The following SPAG16 variants were observed in gnomAD, a reference collection of about 807,000 sequenced individuals.
SPAG16 encodes the protein sperm associated antigen 16.
In SPAG16, 86 loss-of-function variants were observed where a neutral mutation model predicts 80.4. The ratio of observed to expected loss-of-function variants is 1.07; its 90% CI spans 0.90 to 1.28. The LOEUF is 1.28. SPAG16 is among the 50% of genes most tolerant of loss of function. The probability of loss-of-function intolerance (pLI) is 0.00; values close to 1 mark genes in which losing one functional copy is unlikely to be tolerated. For synonymous variants in SPAG16, 294 were observed against 265.9 expected (o/e 1.11, Z -1.03); for missense variants, 870 against 765.3 (o/e 1.14, Z -1.61).
chr2:213,684,345 A>T (rs975658883), intron 10 of SPAG16, among the ~76,000 whole-genome samples: 3 of 152,350 alleles, frequency 2.0e-5, no homozygotes, highest in African/African-American at 4.8e-5. Context: ...TGCAAAGGAA[A>T]GTGGAAGGTT....
At chr2:213,947,527 T>C (rs1303116463) in intron 12 of SPAG16, among the ~76,000 whole-genome samples, 2 of 152,146 alleles carry the variant, frequency 1.3e-5, no homozygotes, top group African/African-American at 4.8e-5. Context: ...TATTTTCTGG[T>C]TGAGTTGTTT....
chr2:213,843,833 A>G (rs1156977786), intron 10 of SPAG16, among the ~76,000 whole-genome samples: 1 of 152,204 alleles, frequency 6.6e-6, no homozygotes, highest in Non-Finnish European at 1.5e-5. Context: ...CCTGGGCGAC[A>G]GAGTGAGACT....
rs527510290 is a variant in SPAG16, at chr2:213,431,403, T to TA, written c.942+56294dup. 2.8e-3 allele frequency among the ~76,000 whole-genome samples: 405 copies of TA among 145,650 alleles called. 1 individual carries two copies. Among genetic ancestry groups the TA allele is most frequent in the South Asian group, 7.4e-3 (34 of 4,606 alleles). The stretch of plus-strand genomic sequence containing the variant: ...AAACCAACTACATGCTGCTTACTGG[T>TA]AAAAAAAAAAGATATTCCATGCAAA... On this transcript the variant is annotated intron_variant, in intron 9 of 15. Coordinates refer to ENST00000331683, the MANE Select transcript of SPAG16 (RefSeq NM_024532.5).
chr2:213,979,398 G>T (rs1303335657), intron 12 of SPAG16, among the ~76,000 whole-genome samples: 2 of 151,960 alleles, frequency 1.3e-5, no homozygotes, highest in Non-Finnish European at 2.9e-5. Flanking sequence ...CTGCTATAAA[G>T]AACTGCCCGT....
At chr2:214,149,112 T>TATATATAAA in intron 14 of SPAG16, 28 bp from the exon 15 acceptor site, 1 of 1,301,710 alleles carries the variant, frequency 7.7e-7, no homozygotes, top group East Asian at 3.5e-5. Context: ...CATACACATT[T>TATATATAAA]TATTTTTGTT....
chr2:214,137,206 G>C (rs557184492), intron 14 of SPAG16, among the ~76,000 whole-genome samples: 1 of 151,946 alleles, frequency 6.6e-6, no homozygotes, highest in Non-Finnish European at 1.5e-5. Context: ...AACCATTTCT[G>C]ATTTATTTTC....
chr2:213,782,700 G>T (rs1403039925), intron 10 of SPAG16, among the ~76,000 whole-genome samples: 2 of 152,140 alleles, frequency 1.3e-5, no homozygotes, highest in African/African-American at 2.4e-5. Flanking sequence ...CTGAAGGCCA[G>T]GGAATTCACT....
chr2:213,774,183 G>A (rs1309519576), intron 10 of SPAG16, among the ~76,000 whole-genome samples: 6 of 152,096 alleles, frequency 3.9e-5, no homozygotes, highest in African/African-American at 1.4e-4. Flanking sequence ...TTGGTTATGT[G>A]TCAGTTTCTT....
chr2:213,576,672 A>T (rs1232134287), intron 10 of SPAG16, among the ~76,000 whole-genome samples: 1 of 152,184 alleles, frequency 6.6e-6, no homozygotes, highest in Non-Finnish European at 1.5e-5. Context: ...TGTCCTTTGC[A>T]GGAAGATGGA....
chr2:213,994,568 T>G (rs1473411778), intron 12 of SPAG16, among the ~76,000 whole-genome samples: 1 of 135,566 alleles, frequency 7.4e-6, no homozygotes, highest in Non-Finnish European at 1.5e-5. Flanking sequence ...GAGAAAATGA[T>G]TTTCCATCCT....
In SPAG16 at chr2:213,754,726, T is replaced by C. The variant is rs536283732; in HGVS notation, c.1071-107759T>C. 7.5e-5 allele frequency among the ~76,000 whole-genome samples: 10 copies of C among 133,098 alleles called. No homozygotes were observed. The South Asian group carries it at 2.3e-3, about 30-fold the overall frequency. The allele number at this position is 133,098 out of a possible 152,430, so 87.3% of individuals were successfully genotyped here. ...TATCACAGCCCAATGACTAGTTTCT[T>C]CTCATTCACCTGATGAATGCAAGAA... On this transcript the variant is annotated intron_variant, in intron 10 of 15. Coordinates refer to ENST00000331683, the MANE Select transcript of SPAG16 (RefSeq NM_024532.5).
chr2:213,930,128 A>G lies in SPAG16; in HGVS notation c.1383A>G (p.Lys461=), dbSNP rs2078683103. 1.6e-5 allele frequency: 26 copies of G among 1,613,358 alleles called. No individual in the cohort carries two copies. Among genetic ancestry groups the G allele is most frequent in the Non-Finnish European group, 2.1e-5 (25 of 1,179,686 alleles). ...CCTCCTCACTGGATAAAACTAGCAA[A>G]ATTTGGGATGTTAATAGGTAAGAAG... is the stretch of plus-strand genomic sequence containing the variant. ...VASSSLDKTS[K]IWDVNSERCR... is the part of the protein sequence containing the mutation. The change falls in exon 12 of 16, where the codon AAA becomes AAG. Residue 461 remains lysine (K), a synonymous_variant. Transcript: ENST00000331683.
At chr2:213,433,236 G>A (rs1165627138) in intron 9 of SPAG16, among the ~76,000 whole-genome samples, 1 of 151,838 alleles carries the variant, frequency 6.6e-6, no homozygotes, top group Non-Finnish European at 1.5e-5. Flanking sequence ...ATTCAACTTA[G>A]AATGGAAGTC....
intron 14 of SPAG16, among the ~76,000 whole-genome samples, chr2:214,116,390 T>A (rs2053935663): frequency 6.6e-6 from 1 of 152,196 alleles, no homozygotes; most frequent in Non-Finnish European, 1.5e-5. Context: ...CTAACCTCCA[T>A]TTCACAGCAG....
chr2:213,378,186 AT>A (rs1291283446), intron 9 of SPAG16, among the ~76,000 whole-genome samples: 1 of 152,088 alleles, frequency 6.6e-6, no homozygotes, highest in Non-Finnish European at 1.5e-5. Flanking sequence ...AGCTGATTAG[AT>A]GTTGCCCACC....
intron 15 of SPAG16, among the ~76,000 whole-genome samples, chr2:214,404,830 A>T (rs1701906700): frequency 6.6e-6 from 1 of 152,110 alleles, no homozygotes; most frequent in Non-Finnish European, 1.5e-5. Flanking sequence ...ATTTGGCTGG[A>T]GATATGGGAA....
intron 12 of SPAG16, among the ~76,000 whole-genome samples, chr2:213,973,328 C>G (rs2045184019): frequency 6.6e-6 from 1 of 152,016 alleles, no homozygotes; most frequent in Admixed American, 6.6e-5. Flanking sequence ...CCTCAGTTGG[C>G]TGCAGGTTCT....
intron 9 of SPAG16, among the ~76,000 whole-genome samples, chr2:213,455,836 C>T (rs1007218650): frequency 5.2e-4 from 79 of 152,152 alleles, no homozygotes; most frequent in Middle Eastern, 3.2e-3. Context: ...GGAGGGTTGG[C>T]GACCCCTGCT....
intron 14 of SPAG16, among the ~76,000 whole-genome samples, chr2:214,144,998 G>C (rs376177561): frequency 1.3e-5 from 2 of 151,882 alleles, no homozygotes; most frequent in African/African-American, 4.8e-5. Flanking sequence ...CACTAGCCCC[G>C]TAATCCTAAA....
Sources: gnomAD v4.1 joint callset for allele counts (sites outside exome capture counted in the v4.1 genomes callset) on GRCh38, gnomAD v4.1.1 for gene constraint, MANE v1.5 for transcripts, NCBI Gene and HGNC (gene_info 2026-07-23, HGNC 2026-07-21) for gene names.